Variants in ITGB6 observed in about 807,000 individuals in gnomAD.
ITGB6 encodes the protein integrin beta-6.
Under a neutral mutation model 84.5 loss-of-function variants are expected in ITGB6, and 80 were observed. The observed-to-expected ratio is 0.95, with a 90% CI of 0.79 to 1.14. ITGB6 has a LOEUF of 1.14. Among genes scored for constraint, ITGB6 ranks in the 50% most tolerant of loss-of-function variants. The probability of loss-of-function intolerance (pLI) is 0.00; values close to 1 mark genes in which losing one functional copy is unlikely to be tolerated. For missense variants in ITGB6, 1,006 were observed against 968.0 expected, an observed-to-expected ratio of 1.04 and a Z score of -0.52; for synonymous variants, 383 against 354.9, an observed-to-expected ratio of 1.08 and a Z score of -0.89.
At chr2:160,146,444 T>C (rs1287016821) in intron 7 of ITGB6, among the ~76,000 whole-genome samples, 1 of 152,192 alleles carries the variant, frequency 6.6e-6, no homozygotes, top group Non-Finnish European at 1.5e-5. Flanking sequence ...CTGTTTGTTT[T>C]CAATATTATA....
chr2:160,131,401 G>A (rs1358639120), intron 10 of ITGB6, among the ~76,000 whole-genome samples: 2 of 152,194 alleles, frequency 1.3e-5, no homozygotes, highest in South Asian at 2.1e-4. Context: ...TCAGAAAAGT[G>A]GCACATTGCT....
intron 6 of ITGB6, among the ~76,000 whole-genome samples, chr2:160,171,051 T>C (rs1279975138): frequency 6.6e-6 from 1 of 152,212 alleles, no homozygotes; most frequent in African/African-American, 2.4e-5. Context: ...GGAATACTAC[T>C]GATCAAATGT....
intron 10 of ITGB6, among the ~76,000 whole-genome samples, chr2:160,131,466 T>A (rs935744469): frequency 1.2e-4 from 18 of 152,220 alleles, no homozygotes; most frequent in African/African-American, 4.3e-4. Flanking sequence ...GTAGCATGTT[T>A]GATCCTCTGT....
At chr2:160,137,054 A>T (rs1006323566) in intron 10 of ITGB6, among the ~76,000 whole-genome samples, 70 of 99,698 alleles carry the variant, frequency 7.0e-4, no homozygotes, top group African/African-American at 2.5e-3. Context: ...AGTATAAATA[A>T]AAAAAAAAAG....
At chr2:160,170,905 A>G (rs776019701) in intron 6 of ITGB6, among the ~76,000 whole-genome samples, 1 of 152,176 alleles carries the variant, frequency 6.6e-6, no homozygotes, top group Non-Finnish European at 1.5e-5. Context: ...GAAAAGTTGC[A>G]AGAAAAGGGT....
rs1426571570 is a variant in ITGB6 at position 160,193,819 on chromosome 2, T to C, written c.593+1550A>G. 2.6e-5 allele frequency among the ~76,000 whole-genome samples: 4 copies of C among 152,320 alleles called. No homozygotes were observed. In the East Asian group the frequency reaches 7.7e-4, roughly 29 times the overall value. ...ATTCCTCATGTTTATGGATCTGCCA[T>C]ACTACCCCTGAATGGCCTTTCTCTG... is the stretch of plus-strand genomic sequence containing the variant. On this transcript the variant is annotated intron_variant, in intron 4 of 14. Transcript: ENST00000283249.
intron 12 of ITGB6, among the ~76,000 whole-genome samples, chr2:160,119,214 C>G (rs533126333): frequency 9.2e-5 from 14 of 152,324 alleles, no homozygotes; most frequent in Admixed American, 6.5e-4. Context: ...CCAAGTCAAT[C>G]CTAAGCCAAA....
intron 10 of ITGB6, among the ~76,000 whole-genome samples, chr2:160,128,934 T>G (rs1683344322): frequency 2.0e-5 from 3 of 151,824 alleles, no homozygotes; most frequent in East Asian, 1.9e-4. Flanking sequence ...GGGCCTGAAG[T>G]TTGGGGTTTG....
intron 7 of ITGB6, among the ~76,000 whole-genome samples, chr2:160,165,322 T>C (rs1684963995): frequency 6.6e-6 from 1 of 152,222 alleles, no homozygotes; most frequent in Admixed American, 6.5e-5. Flanking sequence ...CATTGACTGT[T>C]GAGGCTGAAA....
chr2:160,165,632 T>C (rs565380602), intron 7 of ITGB6, among the ~76,000 whole-genome samples: 1 of 152,358 alleles, frequency 6.6e-6, no homozygotes, highest in South Asian at 2.1e-4. Context: ...TGGTGGATAA[T>C]TTCCACAAGC....
At chr2:160,127,439 C>T (rs1245838793) in intron 10 of ITGB6, among the ~76,000 whole-genome samples, 1 of 152,210 alleles carries the variant, frequency 6.6e-6, no homozygotes, top group Non-Finnish European at 1.5e-5. Flanking sequence ...AATCACCAAC[C>T]ACTATGACCT....
chr2:160,187,975 G>A (rs191294113), intron 4 of ITGB6, among the ~76,000 whole-genome samples: 51 of 152,218 alleles, frequency 3.4e-4, no homozygotes, highest in African/African-American at 1.2e-3. Context: ...GTTAATGAGA[G>A]CGAGAAAAAA....
At chr2:160,197,866 G>T (rs1275018790) in intron 2 of ITGB6, among the ~76,000 whole-genome samples, 1 of 152,226 alleles carries the variant, frequency 6.6e-6, no homozygotes, top group Admixed American at 6.5e-5. Flanking sequence ...TCTGCCCTAA[G>T]CAGAAGCCTA....
chr2:160,191,932 G>T (rs1431837787), intron 4 of ITGB6, among the ~76,000 whole-genome samples: 1 of 152,066 alleles, frequency 6.6e-6, no homozygotes, highest in Non-Finnish European at 1.5e-5. Flanking sequence ...ACATGTGCAA[G>T]ATATCTACCC....
At chr2:160,111,220 A>G (rs1298541567) in intron 13 of ITGB6, among the ~76,000 whole-genome samples, 1 of 152,020 alleles carries the variant, frequency 6.6e-6, no homozygotes, top group Non-Finnish European at 1.5e-5. Context: ...TGTTTTTGAA[A>G]CTCGTTTTTT....
intron 8 of ITGB6, 41 bp from the exon 9 acceptor site, chr2:160,138,240 C>CA (rs1448821096): frequency 2.0e-6 from 3 of 1,529,470 alleles, no homozygotes; most frequent in Non-Finnish European, 2.6e-6. Context: ...GTCACAACCC[C>CA]AAAAATATAG....
At chr2:160,113,903 T>C (rs1295452863) in intron 12 of ITGB6, among the ~76,000 whole-genome samples, 1 of 152,176 alleles carries the variant, frequency 6.6e-6, no homozygotes, top group Non-Finnish European at 1.5e-5. Context: ...TTGGGGACTA[T>C]GCGTTTTCTT....
At chr2:160,156,743 G>A (rs1188264978) in intron 7 of ITGB6, among the ~76,000 whole-genome samples, 1 of 152,148 alleles carries the variant, frequency 6.6e-6, no homozygotes, top group Non-Finnish European at 1.5e-5. Flanking sequence ...TAACTTTCCT[G>A]ATGTCATCCA....
At chr2:160,172,515 G>T (rs1259712546) in intron 6 of ITGB6, 54 bp downstream of exon 6, 3 of 1,479,532 alleles carry the variant, frequency 2.0e-6, no homozygotes, top group Non-Finnish European at 2.8e-6. Context: ...ACTAGTTGTT[G>T]CTTCGTTCTC....
Sources: gnomAD v4.1 joint callset for allele counts (sites outside exome capture counted in the v4.1 genomes callset) on GRCh38, gnomAD v4.1.1 for gene constraint, MANE v1.5 for transcripts, NCBI Gene and HGNC (gene_info 2026-07-23, HGNC 2026-07-21) for gene names.